Variants in RELN observed in about 807,000 individuals in gnomAD.
The protein encoded by RELN is reelin.
Under a neutral mutation model 427.6 loss-of-function variants are expected in RELN, and 108 were observed. The observed-to-expected ratio is 0.25, with a 90% CI of 0.22 to 0.30. The LOEUF (loss-of-function observed/expected upper bound fraction) is 0.30, where lower values mean the gene tolerates loss of function less well. Ranked by LOEUF, RELN falls within the 10% of genes least tolerant of loss-of-function variation. RELN has a pLI of 1.00. For missense variants in RELN, 3,715 were observed against 4,302.8 expected, an observed-to-expected ratio of 0.86 and a Z score of 3.82; for synonymous variants, 1,524 against 1,513.4, an observed-to-expected ratio of 1.01 and a Z score of -0.16.
rs1490001870 is a variant in RELN, at chr7:103,573,854, C to T, written c.4511+238G>A. Among the ~76,000 whole-genome samples the T allele has an allele frequency of 6.6e-6, 1 of 152,168 alleles. No individual in the cohort carries two copies. Among genetic ancestry groups the T allele is most frequent in the Non-Finnish European group, 1.5e-5 (1 of 68,036 alleles). On this transcript the variant is annotated intron_variant, in intron 30 of 64. Transcript: ENST00000428762. The surrounding 1 kb of genome is among the most constrained non-coding windows in gnomAD (Gnocchi z 4.4). ...CTTCAGAAAATCAAGCTGGCATACC[C>T]TAGACACACAGGCCTTGGTGATGAC...
intron 2 of RELN, among the ~76,000 whole-genome samples, chr7:103,897,246 T>C (rs1794981103): frequency 6.6e-6 from 1 of 152,086 alleles, no homozygotes; most frequent in South Asian, 2.1e-4. Context: ...AATCAGTTCA[T>C]TAGCTGAGTG....
intron 41 of RELN, among the ~76,000 whole-genome samples, chr7:103,550,688 T>A (rs1337909440): frequency 6.6e-6 from 1 of 151,656 alleles, no homozygotes; most frequent in African/African-American, 2.4e-5. Context: ...ACACTCTCCC[T>A]GCATGACAGA....
chr7:103,871,389 A>G (rs543894933), intron 2 of RELN, among the ~76,000 whole-genome samples: 2 of 152,300 alleles, frequency 1.3e-5, no homozygotes, highest in African/African-American at 4.8e-5. Flanking sequence ...TTTATATTTT[A>G]CTACTTATCA....
chr7:103,957,651 C>T (rs1459290817), intron 1 of RELN, among the ~76,000 whole-genome samples: 1 of 152,134 alleles, frequency 6.6e-6, no homozygotes, highest in East Asian at 1.9e-4. Context: ...GCCTGCTCAT[C>T]CCCCCTTGTG....
chr7:103,966,475 C>G (rs1796663270), intron 1 of RELN, among the ~76,000 whole-genome samples: 1 of 152,064 alleles, frequency 6.6e-6, no homozygotes, highest in South Asian at 2.1e-4. Flanking sequence ...CAGAGGTGGT[C>G]CAGGTACAGA....
intron 6 of RELN, 100 bp downstream of exon 6, chr7:103,749,326 T>G: frequency 1.1e-6 from 1 of 926,052 alleles, no homozygotes; most frequent in Non-Finnish European, 1.8e-6. Context: ...AGCTTAGCAC[T>G]AAAGATCAAC....
intron 42 of RELN, among the ~76,000 whole-genome samples, chr7:103,543,321 ATT>A: frequency 6.6e-6 from 1 of 152,302 alleles, no homozygotes; most frequent in Non-Finnish European, 1.5e-5. Context: ...AGTGGGAGAA[ATT>A]TCAATACCAT....
At chr7:103,852,236 A>G (rs1297474346) in intron 2 of RELN, among the ~76,000 whole-genome samples, 2 of 152,110 alleles carry the variant, frequency 1.3e-5, no homozygotes, top group Non-Finnish European at 2.9e-5. Context: ...TAATGAATAG[A>G]CTTCTGTTTT....
At chr7:103,614,234 T>C (rs551492072) in intron 20 of RELN, among the ~76,000 whole-genome samples, 1 of 152,324 alleles carries the variant, frequency 6.6e-6, no homozygotes, top group East Asian at 1.9e-4. Context: ...AGAATAGGAA[T>C]CTAGAGTTAT....
At position 103,569,533 on chromosome 7, in the gene RELN, CTCCCAAA is replaced by C. The variant is rs1830834635; in HGVS notation, c.4588+2644_4588+2650del. ...AATCTAAATTTGCATTTTAACAAGGCTCCCAAATGATTCAGGTGAACATTAAATTATA... is the reference window on the plus strand; with the variant it reads ...AATCTAAATTTGCATTTTAACAAGGCTGATTCAGGTGAACATTAAATTATA... On this transcript the variant is annotated intron_variant, in intron 31 of 64. Coordinates refer to ENST00000428762, the MANE Select transcript of RELN (RefSeq NM_005045.4). This position sits in a 1 kb window ranked among gnomAD's most constrained non-coding sequence, Gnocchi z 4.0. 6.6e-6 allele frequency among the ~76,000 whole-genome samples: 1 copy of C among 152,212 alleles called. No individual in the cohort carries two copies. The highest frequency in any genetic ancestry group is 1.5e-5 in the Non-Finnish European group (1 of 68,044).
intron 44 of RELN, chr7:103,539,572 C>G (rs1198518334): frequency 1.9e-6 from 1 of 514,910 alleles, no homozygotes; most frequent in Admixed American, 3.2e-5. Flanking sequence ...CTACATTGGC[C>G]AAACTGTGCC....
chr7:103,711,038 G>A (rs562666325), intron 8 of RELN, among the ~76,000 whole-genome samples: 12 of 152,022 alleles, frequency 7.9e-5, no homozygotes, highest in East Asian at 5.8e-4. Flanking sequence ...GCGAGACTCC[G>A]TCTCAAAAAA....
intron 6 of RELN, among the ~76,000 whole-genome samples, chr7:103,730,628 G>A (rs1790330924): frequency 1.3e-5 from 2 of 152,102 alleles, no homozygotes; most frequent in East Asian, 1.9e-4. Context: ...AAAGGCATTG[G>A]TAACCCTGCT....
chr7:103,555,798 G>A (rs531344502), intron 38 of RELN, among the ~76,000 whole-genome samples: 3 of 152,232 alleles, frequency 2.0e-5, no homozygotes, highest in African/African-American at 7.2e-5. Context: ...CTTTTATTCA[G>A]TGACAAGATG....
chr7:103,745,169 T>C (rs1584458060), intron 6 of RELN, among the ~76,000 whole-genome samples: 1 of 152,076 alleles, frequency 6.6e-6, no homozygotes, highest in African/African-American at 2.4e-5. Flanking sequence ...AAAAACCCCA[T>C]GATTATCTCA....
Position 103,482,935 on chromosome 7 carries a change from C to A in RELN, c.10218G>T (p.Trp3406Cys), listed in dbSNP as rs748037716. 2 of 1,614,150 alleles carry A rather than the reference C, an allele frequency of 1.2e-6. No homozygotes were observed. Among genetic ancestry groups the A allele is most frequent in the Admixed American group, 3.3e-5 (2 of 60,020 alleles). Residue 3406 changes from tryptophan (W) to cysteine (C), a missense_variant, in exon 63 of 65, where the codon TGG (tryptophan) becomes TGT (cysteine). This residue lies in a region of RELN where 195 missense variants were observed against 281.3 expected (regional missense o/e 0.69). Transcript: ENST00000428762. ...ARMKGVLLRW[W>C]QPRHNGTGHD... ...GACCTGTTCCATTGTGGCGTGGTTG[C>A]CACCAGCGCAGTAAGACTCCTTTCA...
intron 3 of RELN, among the ~76,000 whole-genome samples, chr7:103,814,287 G>T (rs1292586831): frequency 6.6e-6 from 1 of 152,178 alleles, no homozygotes; most frequent in African/African-American, 2.4e-5. Flanking sequence ...ACAGAGAGAA[G>T]ACATTTAGAG....
At chr7:103,650,507 T>C (rs934741983) in intron 15 of RELN, 124 bp from the exon 16 acceptor site, 9 of 728,324 alleles carry the variant, frequency 1.2e-5, no homozygotes, top group Non-Finnish European at 2.3e-5. Flanking sequence ...ACCAATAAAC[T>C]CTTTAAATTC....
At chr7:103,851,622 T>C (rs1222819260) in intron 2 of RELN, among the ~76,000 whole-genome samples, 4 of 152,200 alleles carry the variant, frequency 2.6e-5, no homozygotes, top group Non-Finnish European at 2.9e-5. Context: ...CTTAATTGTT[T>C]TCAATTCCTC....
Sources: allele counts gnomAD v4.1 joint callset (sites outside exome capture counted in the v4.1 genomes callset), GRCh38; gene constraint gnomAD v4.1.1; regional missense constraint gnomAD v4.1.1; non-coding constraint Gnocchi (gnomAD v3.1); transcripts MANE v1.5; gene names NCBI Gene and HGNC (gene_info 2026-07-23, HGNC 2026-07-21).